Variants in ZNF680 observed in about 807,000 individuals in gnomAD.
ZNF680 encodes zinc finger protein 680, also known as hypothetical protein FLJ90430.
A neutral mutation model predicts 12.1 loss-of-function variants in ZNF680; 6 were observed. That is an observed-to-expected ratio of 0.49 (90% CI 0.27 to 0.98). The LOEUF is 0.98. ZNF680 is among the 50% of genes least tolerant of loss of function. The pLI is 0.12. For synonymous variants in ZNF680, 170 were observed against 199.3 expected (o/e 0.85, Z 1.24); for missense variants, 561 against 616.3 (o/e 0.91, Z 0.95).
chr7:64,546,493 G>T (rs904776253), intron 1 of ZNF680, among the ~76,000 whole-genome samples: 1 of 152,128 alleles, frequency 6.6e-6, no homozygotes, highest in Admixed American at 6.6e-5. Context: ...AATAATCCTA[G>T]CATACCGGGA....
intron 3 of ZNF680, among the ~76,000 whole-genome samples, chr7:64,531,758 C>T (rs1785896818): frequency 6.6e-6 from 1 of 151,916 alleles, no homozygotes; most frequent in Non-Finnish European, 1.5e-5. Context: ...AATAATGACC[C>T]AACCTATGAA....
At chr7:64,537,712 G>T (rs941896387) in intron 3 of ZNF680, among the ~76,000 whole-genome samples, 7 of 152,182 alleles carry the variant, frequency 4.6e-5, no homozygotes, top group African/African-American at 1.7e-4. Flanking sequence ...CAGATCACAA[G>T]GTCAGGAGAT....
intron 1 of ZNF680, among the ~76,000 whole-genome samples, chr7:64,545,024 C>T (rs190875321): frequency 6.6e-6 from 1 of 152,026 alleles, no homozygotes. Flanking sequence ...TCTGGGAGGC[C>T]GAGGCAGGCG....
intron 3 of ZNF680, chr7:64,525,941 G>A: frequency 1.0e-6 from 1 of 984,872 alleles, no homozygotes; most frequent in Non-Finnish European, 1.2e-6. Context: ...CGTTATATTG[G>A]TAGTAGACAT....
At chr7:64,528,763 C>T (rs1484402092) in intron 3 of ZNF680, among the ~76,000 whole-genome samples, 2 of 152,126 alleles carry the variant, frequency 1.3e-5, no homozygotes, top group African/African-American at 2.4e-5. Flanking sequence ...ACACAAAGGG[C>T]ATATACTCTA....
At position 64,522,159 on chromosome 7, in the gene ZNF680, G is replaced by A; in HGVS notation, c.595C>T (p.Gln199Ter). Residue 199 changes from glutamine (Q) to a stop codon, truncating the protein, a stop_gained, in exon 4 of 4, where the codon CAA (glutamine) becomes TAA (stop). Transcript: ENST00000309683. LOFTEE classifies it low-confidence loss of function (END_TRUNC). Reference sequence around the variant, plus strand: ...TCTCTAGTGTGAATTCTTATATGTTGTGTTAGATGTGAAAGCATGCAAAAT... The same window carrying A: ...TCTCTAGTGTGAATTCTTATATGTTATGTTAGATGTGAAAGCATGCAAAAT... Reference protein sequence around the residue: ...KSFCMLSHLTQHIRIHTRENS... With the variant: ...KSFCMLSHLT 6.2e-7 allele frequency: 1 copy of A among 1,612,802 alleles called. No individual in the cohort carries two copies. Among genetic ancestry groups the A allele is most frequent in the Non-Finnish European group, 8.5e-7 (1 of 1,179,314 alleles).
chr7:64,515,061 C>G (rs1437819397), downstream of ZNF680, among the ~76,000 whole-genome samples: 1 of 151,768 alleles, frequency 6.6e-6, no homozygotes, highest in Non-Finnish European at 1.5e-5. Flanking sequence ...CACACACACA[C>G]ACACACACAC....
At chr7:64,507,302 TAG>T in the ZNF680 span, among the ~76,000 whole-genome samples, 13 of 152,040 alleles carry the variant, frequency 8.6e-5, no homozygotes, top group African/African-American at 3.1e-4. Context: ...TGGAAGGAAA[TAG>T]AGAGTTGTTC....
downstream of ZNF680, among the ~76,000 whole-genome samples, chr7:64,515,063 CA>C: frequency 6.6e-6 from 1 of 151,734 alleles, no homozygotes; most frequent in South Asian, 2.1e-4. Context: ...CACACACACA[CA>C]CACACACACA....
chr7:64,560,593 C>G (rs1787679234), intron 1 of ZNF680, among the ~76,000 whole-genome samples: 1 of 152,128 alleles, frequency 6.6e-6, no homozygotes, highest in Admixed American at 6.5e-5. Flanking sequence ...GGGTGGATCA[C>G]CTGAGATCAA....
chr7:64,514,957 C>T (rs1296885030), downstream of ZNF680, among the ~76,000 whole-genome samples: 4 of 151,952 alleles, frequency 2.6e-5, no homozygotes, highest in African/African-American at 7.3e-5. Flanking sequence ...GCAGGAGAAT[C>T]GCTTGAACCC....
intron 3 of ZNF680, chr7:64,525,838 A>G: frequency 1.0e-6 from 1 of 984,954 alleles, no homozygotes; most frequent in Non-Finnish European, 1.2e-6. Context: ...TCACCTAGTC[A>G]AGATTAAATA....
chr7:64,540,882 C>CTG (rs1410092296), intron 3 of ZNF680, among the ~76,000 whole-genome samples: 2 of 151,842 alleles, frequency 1.3e-5, no homozygotes, highest in Admixed American at 1.3e-4. Context: ...TTGGCATGCG[C>CTG]TGTGTTGCAA....
intron 1 of ZNF680, among the ~76,000 whole-genome samples, chr7:64,556,837 C>A (rs891645102): frequency 6.6e-6 from 1 of 152,178 alleles, no homozygotes; most frequent in Non-Finnish European, 1.5e-5. Context: ...AGCTTCTTCA[C>A]AGCAAAGCAA....
intron 3 of ZNF680, among the ~76,000 whole-genome samples, chr7:64,532,587 CCAGA>C (rs1376362373): frequency 2.6e-5 from 4 of 152,074 alleles, no homozygotes; most frequent in African/African-American, 9.7e-5. Context: ...CAGAATTCTA[CCAGA>C]CACTCAAAGA....
At chr7:64,540,653 T>C (rs891557297) in intron 3 of ZNF680, among the ~76,000 whole-genome samples, 1 of 152,114 alleles carries the variant, frequency 6.6e-6, no homozygotes, top group Non-Finnish European at 1.5e-5. Context: ...ACAAACAGAA[T>C]TGCAAAATGT....
At chr7:64,506,156 C>A in the ZNF680 span, among the ~76,000 whole-genome samples, 1 of 151,962 alleles carries the variant, frequency 6.6e-6, no homozygotes. Context: ...AGAATTTTGC[C>A]CACCCACCTG....
At position 64,544,115 on chromosome 7, in the gene ZNF680, T is replaced by A. The variant is rs190240731; in HGVS notation, c.157+191A>T. Reference sequence around the variant, plus strand: ...TGAAGGACATAGATCAGCTCAGGAATGTGGAAAGTTCAGGTCAAGATGAAA... The same window carrying A: ...TGAAGGACATAGATCAGCTCAGGAAAGTGGAAAGTTCAGGTCAAGATGAAA... On this transcript the variant is annotated intron_variant, in intron 2 of 3. Transcript: ENST00000309683. 3 of 751,222 alleles carry A rather than the reference T, an allele frequency of 4.0e-6. No individual in the cohort carries two copies. In the Admixed American group the frequency reaches 9.3e-5, roughly 23 times the overall value. The allele number at this position is 751,222 out of a possible 1,614,324, so 46.5% of individuals were successfully genotyped here. A position where few individuals can be genotyped will look rare whatever the true frequency, so the allele number is the denominator to read the frequency against.
chr7:64,522,007 T>C lies in ZNF680; in HGVS notation c.747A>G (p.Gln249=). 7.5e-6 allele frequency: 12 copies of C among 1,609,268 alleles called. No individual in the cohort carries two copies. The highest frequency in any genetic ancestry group is 1.1e-5 in the South Asian group (1 of 90,752). ...TCTTATGTTTAATAAGGGTTGAGGA[T>C]TGGTTAAAGGCTTTGCCACATTCCT... The part of the protein sequence containing the change: ...KCEECGKAFN[Q]SSTLIKHKKI... The change falls in exon 4 of 4, where the codon CAA becomes CAG. Residue 249 remains glutamine (Q), a synonymous_variant. Transcript: ENST00000309683.
Sources: gnomAD v4.1 joint callset for allele counts (sites outside exome capture counted in the v4.1 genomes callset) on GRCh38, gnomAD v4.1.1 for gene constraint, MANE v1.5 for transcripts, NCBI Gene and HGNC (gene_info 2026-07-23, HGNC 2026-07-21) for gene names.